MPLKIP: variants seen among roughly 807,000 people sequenced by gnomAD.
MPLKIP encodes M-phase-specific PLK1-interacting protein.
MPLKIP carries 16 observed loss-of-function variants against 16.9 expected under a neutral mutation model. The observed-to-expected ratio is 0.94, with a 90% confidence interval of 0.64 to 1.43. The LOEUF (loss-of-function observed/expected upper bound fraction) is 1.43, where lower values mean the gene tolerates loss of function less well. MPLKIP is among the 40% of genes most tolerant of loss of function. The pLI, the probability that MPLKIP is intolerant of heterozygous loss-of-function variation, is 0.00. For synonymous variants in MPLKIP, 126 were observed against 98.4 expected (o/e 1.28, Z -1.66); for missense variants, 282 against 237.6 (o/e 1.19, Z -1.23).
In MPLKIP at chr7:40,132,827, T is replaced by C; in HGVS notation, c.*232A>G. On this transcript the variant is annotated 3_prime_UTR_variant, in exon 2 of 2. Coordinates refer to ENST00000306984, the MANE Select transcript of MPLKIP (RefSeq NM_138701.4). ...TATGTAACCAGGAATGTTAAATATA[T>C]GGAAACGGTAAATCTCTAAAATGTG... The C allele has an allele frequency of 5.5e-6, 3 of 542,646 alleles. No homozygotes were observed. Among genetic ancestry groups the C allele is most frequent in the South Asian group, 2.1e-5 (1 of 48,052 alleles). The allele number at this position is 542,646 out of a possible 1,614,324, so 33.6% of individuals were successfully genotyped here.
intron 1 of MPLKIP, 129 bp downstream of exon 1, chr7:40,134,100 C>T (rs976223307): frequency 8.5e-6 from 9 of 1,062,876 alleles, no homozygotes; most frequent in Non-Finnish European, 9.6e-6. Context: ...CCTCAGTTCG[C>T]TCATCTGCAA....
At chr7:40,134,183 C>A (rs1386365760) in intron 1 of MPLKIP, 46 bp downstream of exon 1, 1 of 1,532,698 alleles carries the variant, frequency 6.5e-7, no homozygotes, top group Non-Finnish European at 8.8e-7. Flanking sequence ...TAGTACCGTG[C>A]CTGCCATAAA....
rs1787440747 is a variant in MPLKIP at position 40,129,958 on chromosome 7, C to T, written c.*3101G>A. The T allele has an allele frequency of 6.6e-6, 1 of 152,094 alleles. No individual in the cohort carries two copies. Among genetic ancestry groups the T allele is most frequent in the Non-Finnish European group, 1.5e-5 (1 of 68,026 alleles). 9.4% of individuals were successfully genotyped at this position (152,094 alleles called of 1,614,324 possible). A position where few individuals can be genotyped will look rare whatever the true frequency, so the allele number is the denominator to read the frequency against. ...TTGTAAAATGGGAGACCAGTGATTA[C>T]CAAAAGGCAGCAGGGAAAAAGAACT... On this transcript the variant is annotated 3_prime_UTR_variant, in exon 2 of 2. Transcript: ENST00000306984.
At position 40,128,163 on chromosome 7, in the gene MPLKIP, G is replaced by GAGAACAA. The variant is rs1175838353; in HGVS notation, c.*4889_*4895dup. ...CAGCAGTGAGAAGCGGGGGGAAGACGAGAACAAAGAGTTCGATCTGTAACT... is the reference window on the plus strand; with the variant it reads ...CAGCAGTGAGAAGCGGGGGGAAGACGAGAACAAAGAACAAAGAGTTCGATCTGTAACT... On this transcript the variant is annotated 3_prime_UTR_variant, in exon 2 of 2. Coordinates refer to ENST00000306984, the MANE Select transcript of MPLKIP (RefSeq NM_138701.4). 1 of 151,920 alleles carries GAGAACAA rather than the reference G, an allele frequency of 6.6e-6. No individual in the cohort carries two copies. Among genetic ancestry groups the GAGAACAA allele is most frequent in the Non-Finnish European group, 1.5e-5 (1 of 67,998 alleles). 9.4% of individuals were successfully genotyped at this position (151,920 alleles called of 1,614,324 possible). A position where few individuals can be genotyped will look rare whatever the true frequency, so the allele number is the denominator to read the frequency against.
Position 40,134,327 on chromosome 7 carries a change from G to A in MPLKIP, c.241C>T (p.Pro81Ser). ...GAGCCAGGGTAGCCGCCAGGGGACG[G>A]AGACCCGAACCGGCCCCCCGGGAAG... Reference protein sequence around the residue: ...GSFPGGRFGSPSPGGYPGSYS... With the variant: ...GSFPGGRFGSSSPGGYPGSYS... The change falls in exon 1 of 2, where the codon CCG becomes TCG. Residue 81 changes from proline to serine, a missense_variant. Transcript: ENST00000306984. 1 of 1,554,118 alleles carries A rather than the reference G, an allele frequency of 6.4e-7. No homozygotes were observed. Among genetic ancestry groups the A allele is most frequent in the South Asian group, 1.2e-5 (1 of 84,420 alleles).
At chr7:40,133,845 AG>A (rs1226513525) in intron 1 of MPLKIP, among the ~76,000 whole-genome samples, 2 of 149,466 alleles carry the variant, frequency 1.3e-5, no homozygotes, top group Non-Finnish European at 3.0e-5. Flanking sequence ...TTTTCTTTTC[AG>A]GGAAGTTGGA....
In MPLKIP at chr7:40,127,902, G is replaced by A. The variant is rs537190181; in HGVS notation, c.*5157C>T. 1 of 152,324 alleles carries A rather than the reference G, an allele frequency of 6.6e-6. No individual in the cohort carries two copies. The highest frequency in any genetic ancestry group is 2.1e-4 in the South Asian group (1 of 4,818). The allele number at this position is 152,324 out of a possible 1,614,324, so 9.4% of individuals were successfully genotyped here. ...TACTAAAAATATAAAAATTAGCCAG[G>A]CATGGTGGCTTGCACCTGTAATCCC... is the stretch of plus-strand genomic sequence containing the variant. On this transcript the variant is annotated 3_prime_UTR_variant, in exon 2 of 2. Coordinates refer to ENST00000306984, the MANE Select transcript of MPLKIP (RefSeq NM_138701.4).
rs373257868 is a variant in MPLKIP at position 40,132,025 on chromosome 7, C to T, written c.*1034G>A. Reference sequence around the variant, plus strand: ...TCCATCTCAAAAAACAAACAAAAAACCACTTGATTTTTAAAAAATAGTTGG... The same window carrying T: ...TCCATCTCAAAAAACAAACAAAAAATCACTTGATTTTTAAAAAATAGTTGG... On this transcript the variant is annotated 3_prime_UTR_variant, in exon 2 of 2. Transcript: ENST00000306984. 1 of 152,134 alleles carries T rather than the reference C, an allele frequency of 6.6e-6. No homozygotes were observed. The highest frequency in any genetic ancestry group is 1.5e-5 in the Non-Finnish European group (1 of 68,028). The allele number at this position is 152,134 out of a possible 1,614,324, so 9.4% of individuals were successfully genotyped here.
intron 1 of MPLKIP, among the ~76,000 whole-genome samples, 184 bp from the exon 2 acceptor site, chr7:40,133,443 A>G (rs1285487897): frequency 1.3e-5 from 2 of 152,212 alleles, no homozygotes; most frequent in East Asian, 1.9e-4. Flanking sequence ...AAAGTACTTA[A>G]AGCAATTCGT....
Position 40,129,074 on chromosome 7 carries a change from G to T in MPLKIP, c.*3985C>A, listed in dbSNP as rs2150558591. 1 of 152,152 alleles carries T rather than the reference G, an allele frequency of 6.6e-6. No homozygotes were observed. The highest frequency in any genetic ancestry group is 2.4e-5 in the African/African-American group (1 of 41,532). The allele number at this position is 152,152 out of a possible 1,614,324, so 9.4% of individuals were successfully genotyped here. A position where few individuals can be genotyped will look rare whatever the true frequency, so the allele number is the denominator to read the frequency against. On this transcript the variant is annotated 3_prime_UTR_variant, in exon 2 of 2. Transcript: ENST00000306984. The stretch of plus-strand genomic sequence containing the variant: ...CATTTGCTTTTTGCCTAAAAATAAG[G>T]TATCTTTTCCTTCATGTTAAACTCA...
At position 40,128,363 on chromosome 7, in the gene MPLKIP, CAATT is replaced by C. The variant is rs1296655542; in HGVS notation, c.*4692_*4695del. 1.3e-5 allele frequency: 2 copies of C among 152,056 alleles called. No homozygotes were observed. The highest frequency in any genetic ancestry group is 4.8e-5 in the African/African-American group (2 of 41,400). The allele number at this position is 152,056 out of a possible 1,614,324, so 9.4% of individuals were successfully genotyped here. On this transcript the variant is annotated 3_prime_UTR_variant, in exon 2 of 2. Coordinates refer to ENST00000306984, the MANE Select transcript of MPLKIP (RefSeq NM_138701.4). ...GCAGGAGACTTTGGCCTATGTAAAA[CAATT>C]AATATGGAATTTATAGAACCTAATA...
rs753101401 is a variant in MPLKIP at position 40,129,383 on chromosome 7, AGTAGCTG to A, written c.*3669_*3675del. 1.3e-5 allele frequency: 2 copies of A among 151,292 alleles called. No individual in the cohort carries two copies. The highest frequency in any genetic ancestry group is 2.9e-5 in the Non-Finnish European group (2 of 67,958). The allele number at this position is 151,292 out of a possible 1,614,324, so 9.4% of individuals were successfully genotyped here. ...GTGATTCTTCTGCCTCAGCCTCCCCAGTAGCTGGTATTACAGGCGCGCGCCACCATGC... is the reference window on the plus strand; with the variant it reads ...GTGATTCTTCTGCCTCAGCCTCCCCAGTATTACAGGCGCGCGCCACCATGC... On this transcript the variant is annotated 3_prime_UTR_variant, in exon 2 of 2. Transcript: ENST00000306984.
At position 40,134,524 on chromosome 7, in the gene MPLKIP, C is replaced by G; in HGVS notation, c.44G>C (p.Gly15Ala). Residue 15 changes from glycine (G) to alanine (A), a missense_variant, in exon 1 of 2, where the codon GGT (glycine) becomes GCT (alanine). Transcript: ENST00000306984. Reference protein sequence around the residue: ...NFRPPTPPYPGPGGGGWGSGS... With the variant: ...NFRPPTPPYPAPGGGGWGSGS... ...GCTACCCCAACCTCCTCCACCCGGA[C>G]CAGGGTAAGGAGGAGTTGGGGGCCG... 9 of 1,595,340 alleles carry G rather than the reference C, an allele frequency of 5.6e-6. No homozygotes were observed. Among genetic ancestry groups the G allele is most frequent in the African/African-American group, 1.3e-5 (1 of 74,852 alleles).
At position 40,131,082 on chromosome 7, in the gene MPLKIP, C is replaced by T. The variant is rs1322191108; in HGVS notation, c.*1977G>A. 3 of 152,182 alleles carry T rather than the reference C, an allele frequency of 2.0e-5. No individual in the cohort carries two copies. Among genetic ancestry groups the T allele is most frequent in the African/African-American group, 7.2e-5 (3 of 41,440 alleles). The allele number at this position is 152,182 out of a possible 1,614,324, so 9.4% of individuals were successfully genotyped here. A position where few individuals can be genotyped will look rare whatever the true frequency, so the allele number is the denominator to read the frequency against. ...CCTCCAACACAACACCTCTATGACA[C>T]AGGTACTATTAATTTTCTCATCTTA... On this transcript the variant is annotated 3_prime_UTR_variant, in exon 2 of 2. Transcript: ENST00000306984.
intron 1 of MPLKIP, among the ~76,000 whole-genome samples, chr7:40,133,615 T>C (rs959948164): frequency 2.0e-5 from 3 of 152,186 alleles, no homozygotes; most frequent in Non-Finnish European, 4.4e-5. Context: ...AACAATACTA[T>C]AGTTTTAAAG....
chr7:40,133,364 C>A, intron 1 of MPLKIP, 105 bp from the exon 2 acceptor site: 1 of 976,822 alleles, frequency 1.0e-6, no homozygotes, highest in Non-Finnish European at 1.6e-6. Context: ...AAAGTTGTGA[C>A]TTGAACCTAA....
Position 40,132,108 on chromosome 7 carries a change from C to T in MPLKIP, c.*951G>A, listed in dbSNP as rs1787471820. ...ACTATAGGTATATATCCATAGCATCCCTTAATTTGGAAAACCACTTCTCTA... is the reference window on the plus strand; with the variant it reads ...ACTATAGGTATATATCCATAGCATCTCTTAATTTGGAAAACCACTTCTCTA... On this transcript the variant is annotated 3_prime_UTR_variant, in exon 2 of 2. Transcript: ENST00000306984. 1 of 152,176 alleles carries T rather than the reference C, an allele frequency of 6.6e-6. No individual in the cohort carries two copies. Among genetic ancestry groups the T allele is most frequent in the South Asian group, 2.1e-4 (1 of 4,826 alleles). 9.4% of individuals were successfully genotyped at this position (152,176 alleles called of 1,614,324 possible).
In MPLKIP at chr7:40,127,052, T is replaced by A. The variant is rs1014845234; in HGVS notation, c.*6007A>T. On this transcript the variant is annotated 3_prime_UTR_variant, in exon 2 of 2. Transcript: ENST00000306984. ...GGTTAAAGCCAATTTTCAAATGTAT[T>A]GTCCTACACTACCTTTTGGAGACAT... 4 of 152,120 alleles carry A rather than the reference T, an allele frequency of 2.6e-5. No homozygotes were observed. Among genetic ancestry groups the A allele is most frequent in the African/African-American group, 7.2e-5 (3 of 41,406 alleles). The allele number at this position is 152,120 out of a possible 1,614,324, so 9.4% of individuals were successfully genotyped here. A position where few individuals can be genotyped will look rare whatever the true frequency, so the allele number is the denominator to read the frequency against.
intron 1 of MPLKIP, 28 bp downstream of exon 1, chr7:40,134,201 C>T (rs553381434): frequency 1.3e-6 from 2 of 1,548,176 alleles, no homozygotes; most frequent in East Asian, 2.4e-5. Flanking sequence ...AAAGTAAGAG[C>T]TCGGCAAACG....
Sources: allele counts gnomAD v4.1 joint callset (sites outside exome capture counted in the v4.1 genomes callset), GRCh38; gene constraint gnomAD v4.1.1; transcripts MANE v1.5; gene names NCBI Gene and HGNC (gene_info 2026-07-23, HGNC 2026-07-21).